The following GALNT13 variants were observed in gnomAD, a reference collection of about 807,000 sequenced individuals.
GALNT13 encodes polypeptide N-acetylgalactosaminyltransferase 13, also known as UDP-GalNAc:polypeptide N-acetylgalactosaminyltransferase 13.
GALNT13 carries 28 observed loss-of-function variants against 64.2 expected under a neutral mutation model. The ratio of observed to expected loss-of-function variants is 0.44; its 90% CI spans 0.32 to 0.60. The LOEUF (loss-of-function observed/expected upper bound fraction) is 0.60. Among genes scored for constraint, GALNT13 ranks in the 20% least tolerant of loss-of-function variants. The pLI is 0.05. For synonymous variants in GALNT13, 214 were observed against 224.6 expected (o/e 0.95, Z 0.42); for missense variants, 577 against 669.8 (o/e 0.86, Z 1.53).
At chr2:153,203,779 A>T in the GALNT13 span, among the ~76,000 whole-genome samples, 1 of 152,152 alleles carries the variant, frequency 6.6e-6, no homozygotes, top group Non-Finnish European at 1.5e-5. Flanking sequence ...TCACTTACAG[A>T]TATATTACTC....
chr2:153,477,440 G>C, the GALNT13 span: 1 of 152,658 alleles, frequency 6.6e-6, no homozygotes, highest in East Asian at 1.9e-4. Flanking sequence ...GGCGTAAACC[G>C]TGCAGTCACG....
At chr2:153,069,915 A>T in the GALNT13 span, among the ~76,000 whole-genome samples, 1 of 152,032 alleles carries the variant, frequency 6.6e-6, no homozygotes, top group Admixed American at 6.6e-5. Flanking sequence ...ATTTTTCATT[A>T]TTTTGTGAAT....
At chr2:154,151,485 TG>T (rs1418978194) in intron 4 of GALNT13, among the ~76,000 whole-genome samples, 3 of 152,158 alleles carry the variant, frequency 2.0e-5, no homozygotes, top group Non-Finnish European at 4.4e-5. Context: ...TGGGTATCCT[TG>T]TTAACTTTCT....
rs1438988486 is a variant in GALNT13, at chr2:154,259,001, T to G, written c.858-20T>G. 1 of 1,270,210 alleles carries G rather than the reference T, an allele frequency of 7.9e-7. No homozygotes were observed. The highest frequency in any genetic ancestry group is 1.5e-5 in the African/African-American group (1 of 67,780). 78.7% of individuals were successfully genotyped at this position (1,270,210 alleles called of 1,614,324 possible). A position where few individuals can be genotyped will look rare whatever the true frequency, so the allele number is the denominator to read the frequency against. Reference sequence around the variant, plus strand: ...TTGTTTTCAAAAGATATTCTTTTCTTTTTGTTTTTTTTCAACTAGGACCCC... The same window carrying G: ...TTGTTTTCAAAAGATATTCTTTTCTGTTTGTTTTTTTTCAACTAGGACCCC... On this transcript the variant is annotated intron_variant, in intron 7 of 12. Transcript: ENST00000392825.
At chr2:153,937,957 T>C (rs949124501) in intron 2 of GALNT13, among the ~76,000 whole-genome samples, 37 of 152,182 alleles carry the variant, frequency 2.4e-4, no homozygotes, top group African/African-American at 8.4e-4. Context: ...TAGGGATGTA[T>C]AGACATATGT....
chr2:154,304,392 C>T (rs1180167737), intron 9 of GALNT13, among the ~76,000 whole-genome samples: 3 of 152,022 alleles, frequency 2.0e-5, no homozygotes, highest in Non-Finnish European at 4.4e-5. Context: ...GAATTCAAAT[C>T]ATTACTTGTA....
the GALNT13 span, among the ~76,000 whole-genome samples, chr2:153,458,300 C>T: frequency 6.6e-6 from 1 of 152,058 alleles, no homozygotes; most frequent in African/African-American, 2.4e-5. Flanking sequence ...AAAATGCCTA[C>T]CTCAGCCGAC....
chr2:154,309,715 G>C (rs575998117), intron 9 of GALNT13, among the ~76,000 whole-genome samples: 1 of 152,212 alleles, frequency 6.6e-6, no homozygotes, highest in South Asian at 2.1e-4. Context: ...TGCAACATTG[G>C]GAATTGAATT....
chr2:153,492,634 T>A, the GALNT13 span, among the ~76,000 whole-genome samples: 1 of 152,102 alleles, frequency 6.6e-6, no homozygotes, highest in African/African-American at 2.4e-5. Context: ...AACGAAATAA[T>A]GTTCACATGA....
At chr2:153,217,121 T>C in the GALNT13 span, among the ~76,000 whole-genome samples, 1 of 152,066 alleles carries the variant, frequency 6.6e-6, no homozygotes, top group South Asian at 2.1e-4. Context: ...TGTTTTTATA[T>C]ACATGTGTAT....
the GALNT13 span, among the ~76,000 whole-genome samples, chr2:153,773,589 GT>G: frequency 1.3e-5 from 2 of 151,808 alleles, no homozygotes; most frequent in African/African-American, 4.8e-5. Flanking sequence ...CTTTTTCTAG[GT>G]TTTTTTTCTC....
At chr2:154,096,933 C>T (rs952301522) in intron 3 of GALNT13, among the ~76,000 whole-genome samples, 8 of 151,970 alleles carry the variant, frequency 5.3e-5, no homozygotes. Context: ...CAATATGACA[C>T]AGGGTATTTT....
chr2:153,404,195 TGA>T, the GALNT13 span, among the ~76,000 whole-genome samples: 1 of 152,200 alleles, frequency 6.6e-6, no homozygotes, highest in African/African-American at 2.4e-5. Flanking sequence ...TCAGGGTTTT[TGA>T]GAGAGGATTT....
chr2:153,562,487 CAAAA>C, the GALNT13 span, among the ~76,000 whole-genome samples: 1 of 151,976 alleles, frequency 6.6e-6, no homozygotes, highest in Non-Finnish European at 1.5e-5. Context: ...CGTCTTTTGT[CAAAA>C]AACACCATGT....
At chr2:153,407,421 A>G in the GALNT13 span, among the ~76,000 whole-genome samples, 1 of 152,200 alleles carries the variant, frequency 6.6e-6, no homozygotes, top group Non-Finnish European at 1.5e-5. Flanking sequence ...CTGAAGTTGC[A>G]TATTAATGTG....
At chr2:153,918,311 G>A (rs778761536) in intron 2 of GALNT13, among the ~76,000 whole-genome samples, 1 of 152,086 alleles carries the variant, frequency 6.6e-6, no homozygotes, top group Non-Finnish European at 1.5e-5. Flanking sequence ...GGTGAACTTC[G>A]GTAGAGATAA....
the GALNT13 span, among the ~76,000 whole-genome samples, chr2:153,416,491 G>A: frequency 6.6e-6 from 1 of 152,054 alleles, no homozygotes; most frequent in African/African-American, 2.4e-5. Context: ...ATTTTGTCTT[G>A]TTCATTTGCA....
At chr2:153,682,908 C>A in the GALNT13 span, among the ~76,000 whole-genome samples, 2 of 151,588 alleles carry the variant, frequency 1.3e-5, no homozygotes, top group African/African-American at 4.8e-5. Context: ...CAGGGCACAC[C>A]TTTCTGGATG....
chr2:153,733,557 A>T, the GALNT13 span, among the ~76,000 whole-genome samples: 2 of 151,772 alleles, frequency 1.3e-5, no homozygotes, highest in East Asian at 1.9e-4. Flanking sequence ...GCCATGTTTC[A>T]TGATGAACTC....
Sources: gnomAD v4.1 joint callset for allele counts (sites outside exome capture counted in the v4.1 genomes callset) on GRCh38, gnomAD v4.1.1 for gene constraint, MANE v1.5 for transcripts, NCBI Gene and HGNC (gene_info 2026-07-23, HGNC 2026-07-21) for gene names.